Variants in HOXA3 observed in about 807,000 individuals in gnomAD.
HOXA3 encodes homeobox protein Hox-A3.
HOXA3 carries 8 observed loss-of-function variants against 30.3 expected under a neutral mutation model. That is an observed-to-expected ratio of 0.26 (90% CI 0.15 to 0.48). HOXA3 has a LOEUF of 0.48. HOXA3 is among the 20% of genes least tolerant of loss of function. The pLI, the probability that HOXA3 is intolerant of heterozygous loss-of-function variation, is 0.99. For synonymous variants in HOXA3, 323 were observed against 273.1 expected (o/e 1.18, Z -1.80); for missense variants, 653 against 614.4 (o/e 1.06, Z -0.66).
rs1162208402 is a variant in HOXA3, at chr7:27,108,775, GC to G, written c.527-56del. ...TCAGGGGCTGCCGCGGCCCCGCCCA[GC>G]CCCTGACCCAGCCCGGCCCCTCCTT... On this transcript the variant is annotated intron_variant, in intron 5 of 5. Transcript: ENST00000612286. This position sits in a 1 kb window ranked among gnomAD's most constrained non-coding sequence, Gnocchi z 5.0. 3.0e-6 allele frequency: 4 copies of G among 1,350,922 alleles called. No individual in the cohort carries two copies. The African/African-American group carries it at 4.5e-5, about 15-fold the overall frequency. The allele number at this position is 1,350,922 out of a possible 1,614,324, so 83.7% of individuals were successfully genotyped here.
chr7:27,143,811 T>G, intron 1 of HOXA3: 2 of 944,840 alleles, frequency 2.1e-6, no homozygotes, highest in African/African-American at 1.8e-5. Context: ...CCTCTAGAGG[T>G]AAACTCGTGC....
At chr7:27,131,867 A>G (rs1317339388) in intron 2 of HOXA3, among the ~76,000 whole-genome samples, 1 of 152,196 alleles carries the variant, frequency 6.6e-6, no homozygotes, top group African/African-American at 2.4e-5. Flanking sequence ...CTAGAGTTAT[A>G]TTTGCAGGAC....
chr7:27,143,359 C>G (rs1782643176), intron 1 of HOXA3: 9 of 1,584,148 alleles, frequency 5.7e-6, no homozygotes, highest in Non-Finnish European at 7.7e-6. Flanking sequence ...TGTACCTGGG[C>G]TCGGCGGGCG....
chr7:27,131,074 C>T (rs759424526), intron 2 of HOXA3, among the ~76,000 whole-genome samples: 2 of 152,112 alleles, frequency 1.3e-5, no homozygotes, highest in Non-Finnish European at 2.9e-5. Flanking sequence ...GAGCTTTGGA[C>T]CCCAGCCCCC....
chr7:27,135,517 A>G (rs573555403), intron 2 of HOXA3, among the ~76,000 whole-genome samples: 2 of 152,320 alleles, frequency 1.3e-5, no homozygotes, highest in South Asian at 4.1e-4. Flanking sequence ...CAGATCTCAG[A>G]ACGCTTTGCA....
intron 1 of HOXA3, chr7:27,143,522 G>A: frequency 6.2e-7 from 1 of 1,613,884 alleles, no homozygotes; most frequent in Non-Finnish European, 8.5e-7. Flanking sequence ...CTCGCTCACG[G>A]AACTATGATC....
intron 2 of HOXA3, chr7:27,130,653 G>T (rs1785514285): frequency 2.5e-6 from 4 of 1,603,238 alleles, no homozygotes; most frequent in Non-Finnish European, 3.4e-6. Flanking sequence ...CGCCCGAGCC[G>T]CTGTGCTGCG....
chr7:27,140,536 T>C (rs1782528491), intron 1 of HOXA3: 1 of 152,232 alleles, frequency 6.6e-6, no homozygotes, highest in African/African-American at 2.4e-5. Flanking sequence ...CGAGCTAGGA[T>C]GGGGTAAGTA....
At chr7:27,137,051 G>C (rs192830028) in intron 2 of HOXA3, among the ~76,000 whole-genome samples, 14 of 152,298 alleles carry the variant, frequency 9.2e-5, no homozygotes, top group Middle Eastern at 3.4e-3. Context: ...GCCAAGGCAG[G>C]GGGGAGGCTG....
chr7:27,124,543 T>C (rs1785192129), intron 3 of HOXA3: 1 of 152,238 alleles, frequency 6.6e-6, no homozygotes, highest in South Asian at 2.1e-4. Flanking sequence ...GGCTCTCTCC[T>C]GCCTTCCTGA....
chr7:27,143,227 G>C, intron 1 of HOXA3: 1 of 1,609,838 alleles, frequency 6.2e-7, no homozygotes, highest in Non-Finnish European at 8.5e-7. Flanking sequence ...CGGCCGAGGC[G>C]CCGCTGGAGT....
At chr7:27,130,476 A>C in intron 2 of HOXA3, 1 of 1,260,070 alleles carries the variant, frequency 7.9e-7, no homozygotes. Flanking sequence ...ACAGCGCGGC[A>C]GCAGGGTAGG....
At chr7:27,146,794 GA>G (rs949447257) in intron 1 of HOXA3, among the ~76,000 whole-genome samples, 6 of 152,024 alleles carry the variant, frequency 3.9e-5, no homozygotes, top group Admixed American at 6.6e-5. Context: ...GGAGGAGAGA[GA>G]AAAAAATCCT....
rs539584460 is a variant in HOXA3, at chr7:27,117,992, GC to G, written c.-121+4566del. ...CAGGGAATTAAATTCAGAGTCTGAG[GC>G]GCTACTGGGAATCTTTCAAATGGTT... On this transcript the variant is annotated intron_variant, in intron 4 of 5. Transcript: ENST00000612286. 3.9e-3 allele frequency among the ~76,000 whole-genome samples: 590 copies of G among 152,208 alleles called. 3 individuals carry two copies. The highest frequency in any genetic ancestry group is 0.013 in the African/African-American group (548 of 41,498).
chr7:27,128,818 G>A (rs1186533496), intron 2 of HOXA3: 3 of 229,012 alleles, frequency 1.3e-5, no homozygotes, highest in South Asian at 7.9e-5. Context: ...CTTAATGGGG[G>A]AAGAGGAGGT....
chr7:27,141,951 A>G (rs1473321001), intron 1 of HOXA3: 7 of 1,614,232 alleles, frequency 4.3e-6, no homozygotes, highest in Non-Finnish European at 5.1e-6. Context: ...TCGGAGAGGC[A>G]AAGAGCATGT....
chr7:27,117,726 A>G (rs1342559437), intron 4 of HOXA3, among the ~76,000 whole-genome samples: 3 of 152,000 alleles, frequency 2.0e-5, no homozygotes, highest in African/African-American at 7.2e-5. Flanking sequence ...AAACACCGCC[A>G]TCCTGGGAGA....
At chr7:27,127,831 G>A (rs1007183561) in intron 2 of HOXA3, among the ~76,000 whole-genome samples, 1 of 152,212 alleles carries the variant, frequency 6.6e-6, no homozygotes. Flanking sequence ...TACTTTGCAT[G>A]GGGTGAACTT....
chr7:27,139,491 G>C (rs1036507907), intron 2 of HOXA3, among the ~76,000 whole-genome samples: 10 of 152,206 alleles, frequency 6.6e-5, no homozygotes, highest in Admixed American at 3.3e-4. Context: ...CCTGAAACCC[G>C]GCCCCGAAGG....
Sources: allele counts gnomAD v4.1 joint callset (sites outside exome capture counted in the v4.1 genomes callset), GRCh38; gene constraint gnomAD v4.1.1; non-coding constraint Gnocchi (gnomAD v3.1); transcripts MANE v1.5; gene names NCBI Gene and HGNC (gene_info 2026-07-23, HGNC 2026-07-21).